The following KCNN2 variants were observed in gnomAD, a reference collection of about 807,000 sequenced individuals.
KCNN2 encodes small conductance calcium-activated potassium channel protein 2.
KCNN2 carries 24 observed loss-of-function variants against 55.5 expected under a neutral mutation model. The observed-to-expected ratio is 0.43, with a 90% CI of 0.31 to 0.61. The LOEUF (loss-of-function observed/expected upper bound fraction) is 0.61. Among genes scored for constraint, KCNN2 ranks in the 20% least tolerant of loss-of-function variants. The pLI is 0.08. For synonymous variants in KCNN2, 431 were observed against 336.1 expected (o/e 1.28, Z -3.09); for missense variants, 754 against 853.6 (o/e 0.88, Z 1.45).
intron 3 of KCNN2, among the ~76,000 whole-genome samples, chr5:114,448,830 A>C (rs941535529): frequency 1.9e-4 from 29 of 152,216 alleles, no homozygotes; most frequent in Admixed American, 1.8e-3. Flanking sequence ...AAAAATTTAG[A>C]ATCAATTTGT....
chr5:114,254,449 G>T (rs905022277), intron 2 of KCNN2, among the ~76,000 whole-genome samples: 14 of 152,090 alleles, frequency 9.2e-5, no homozygotes, highest in Admixed American at 7.9e-4. Flanking sequence ...CTTTAAAACT[G>T]ATATTCAGGC....
At chr5:114,353,476 CA>C (rs1247296967) in intron 2 of KCNN2, among the ~76,000 whole-genome samples, 1 of 151,740 alleles carries the variant, frequency 6.6e-6, no homozygotes, top group Non-Finnish European at 1.5e-5. Context: ...TTTATTTAAT[CA>C]GGAGAAATTT....
intron 1 of KCNN2, among the ~76,000 whole-genome samples, chr5:114,163,953 G>A (rs1752854072): frequency 6.6e-6 from 1 of 151,954 alleles, no homozygotes; most frequent in African/African-American, 2.4e-5. Context: ...CTTTATATTA[G>A]TCATGGGTGT....
At chr5:114,373,607 G>T in intron 2 of KCNN2, among the ~76,000 whole-genome samples, 1 of 100,086 alleles carries the variant, frequency 1.0e-5, no homozygotes, top group Non-Finnish European at 2.1e-5. Flanking sequence ...GGGGAATATA[G>T]AGTACCTCTC....
At chr5:114,203,525 C>G (rs75636593) in intron 1 of KCNN2, among the ~76,000 whole-genome samples, 17,738 of 152,218 alleles carry the variant, frequency 0.12, 1,637 homozygotes, top group East Asian at 0.53. Flanking sequence ...TCTTGTCACT[C>G]TGCCACATCC....
intron 2 of KCNN2, among the ~76,000 whole-genome samples, chr5:114,305,233 A>C (rs1350530533): frequency 1.3e-5 from 2 of 152,194 alleles, no homozygotes. Context: ...GAAAAGGTGC[A>C]GTTAGTTGCA....
In KCNN2 at chr5:114,478,755, T is replaced by C. The variant is rs192221393; in HGVS notation, c.1890+5591T>C. Among the ~76,000 whole-genome samples, 4 of 152,012 alleles carry C rather than the reference T, an allele frequency of 2.6e-5. No homozygotes were observed. The South Asian group carries it at 8.3e-4, about 32-fold the overall frequency. On this transcript the variant is annotated intron_variant, in intron 5 of 7. Transcript: ENST00000673685. ...GACTGGGGGCCCATATTCAACATTC[T>C]TAAAGAATTTCCAACCTAGAATTTC...
chr5:114,191,772 C>T (rs147353935), intron 1 of KCNN2, among the ~76,000 whole-genome samples: 6 of 152,232 alleles, frequency 3.9e-5, no homozygotes, highest in Non-Finnish European at 5.9e-5. Flanking sequence ...GGCCTTGGAA[C>T]CCTGCATTTC....
intron 1 of KCNN2, among the ~76,000 whole-genome samples, chr5:114,104,160 T>A (rs1209151422): frequency 6.6e-6 from 1 of 151,966 alleles, no homozygotes; most frequent in Non-Finnish European, 1.5e-5. Flanking sequence ...TTGGGAGGGT[T>A]TATGTGTCCA....
Position 114,472,768 on chromosome 5 carries a change from A to G in KCNN2, c.1780-286A>G, listed in dbSNP as rs1051091836. On this transcript the variant is annotated intron_variant, in intron 4 of 7. Transcript: ENST00000673685. ...ATAACTGACTTGCTCTGTTTTTTAA[A>G]AAGTCTCCAAAAATTCACCAAGTTG... Among the ~76,000 whole-genome samples, 24 of 152,202 alleles carry G rather than the reference A, an allele frequency of 1.6e-4. No individual in the cohort carries two copies. The highest frequency in any genetic ancestry group is 3.2e-3 in the Middle Eastern group (1 of 316).
intron 2 of KCNN2, among the ~76,000 whole-genome samples, chr5:114,276,052 G>A (rs1205705469): frequency 6.6e-6 from 1 of 152,134 alleles, no homozygotes; most frequent in African/African-American, 2.4e-5. Context: ...TGGTTTCAAA[G>A]AACATCTTTA....
intron 2 of KCNN2, among the ~76,000 whole-genome samples, chr5:114,235,959 A>G (rs532660585): frequency 6.6e-6 from 1 of 152,328 alleles, no homozygotes; most frequent in South Asian, 2.1e-4. Context: ...CTGTGCTAGT[A>G]TTGAGGCTAT....
chr5:114,211,704 A>T (rs907130480), intron 1 of KCNN2, among the ~76,000 whole-genome samples: 1 of 152,088 alleles, frequency 6.6e-6, no homozygotes, highest in Non-Finnish European at 1.5e-5. Context: ...CCTGTATCTA[A>T]AAGTTAAAAA....
chr5:114,404,356 G>C, intron 2 of KCNN2, 82 bp from the exon 3 acceptor site: 6 of 1,109,328 alleles, frequency 5.4e-6, no homozygotes, highest in Non-Finnish European at 7.9e-6. Flanking sequence ...AAAGTCATCT[G>C]TTGTGTGTTT....
chr5:114,214,398 A>C (rs1017792551), intron 1 of KCNN2, among the ~76,000 whole-genome samples: 1 of 152,112 alleles, frequency 6.6e-6, no homozygotes, highest in African/African-American at 2.4e-5. Flanking sequence ...TTAAAAAAGC[A>C]GAAATAATGA....
chr5:114,194,054 A>G (rs1459669665), intron 1 of KCNN2, among the ~76,000 whole-genome samples: 1 of 151,970 alleles, frequency 6.6e-6, no homozygotes, highest in Non-Finnish European at 1.5e-5. Context: ...CCTTCATCCT[A>G]TTCATCACTT....
At chr5:114,393,685 G>C (rs1033845708) in intron 2 of KCNN2, among the ~76,000 whole-genome samples, 11 of 151,442 alleles carry the variant, frequency 7.3e-5, no homozygotes, top group Admixed American at 4.6e-4. Context: ...ATTAATTTCT[G>C]GAGTATTCTT....
chr5:114,073,062 G>A (rs941331358), intron 1 of KCNN2, among the ~76,000 whole-genome samples: 21 of 152,090 alleles, frequency 1.4e-4, no homozygotes, highest in African/African-American at 5.1e-4. Flanking sequence ...ATATGGATTG[G>A]CTCTGATATG....
chr5:114,268,480 C>A (rs1755254882), intron 2 of KCNN2, among the ~76,000 whole-genome samples: 1 of 152,208 alleles, frequency 6.6e-6, no homozygotes. Context: ...TTTGCACTTT[C>A]ATGGCTAATA....
Sources: allele counts gnomAD v4.1 joint callset (sites outside exome capture counted in the v4.1 genomes callset), GRCh38; gene constraint gnomAD v4.1.1; transcripts MANE v1.5; gene names NCBI Gene and HGNC (gene_info 2026-07-23, HGNC 2026-07-21).